RASGEF1A: variants seen among roughly 807,000 people sequenced by gnomAD.
The protein encoded by RASGEF1A is ras-GEF domain-containing family member 1A.
RASGEF1A carries 18 observed loss-of-function variants against 56.4 expected under a neutral mutation model. The observed-to-expected ratio is 0.32, with a 90% CI of 0.22 to 0.47. RASGEF1A has a LOEUF of 0.47. Among genes scored for constraint, RASGEF1A ranks in the 20% least tolerant of loss-of-function variants. RASGEF1A has a pLI of 1.00. For synonymous variants in RASGEF1A, 245 were observed against 242.6 expected, an observed-to-expected ratio of 1.01 and a Z score of -0.09; for missense variants, 422 against 627.1, an observed-to-expected ratio of 0.67 and a Z score of 3.49.
chr10:43,223,835 A>G (rs771460941), intron 1 of RASGEF1A, among the ~76,000 whole-genome samples: 4 of 152,102 alleles, frequency 2.6e-5, no homozygotes, highest in Non-Finnish European at 5.9e-5. Flanking sequence ...AAAAAATTAT[A>G]AAAATTTATT....
chr10:43,260,033 C>T (rs1482174109), intron 1 of RASGEF1A, among the ~76,000 whole-genome samples: 4 of 152,192 alleles, frequency 2.6e-5, no homozygotes, highest in African/African-American at 7.2e-5. Context: ...TGCCTCTGCC[C>T]CTCTCTGCAG....
chr10:43,248,032 T>C (rs1242316858), intron 1 of RASGEF1A, among the ~76,000 whole-genome samples: 1 of 144,136 alleles, frequency 6.9e-6, no homozygotes, highest in East Asian at 2.1e-4. Flanking sequence ...GACCCCCCAT[T>C]TCTATTTATA....
chr10:43,256,963 T>G (rs12768110), intron 1 of RASGEF1A, among the ~76,000 whole-genome samples: 1 of 151,992 alleles, frequency 6.6e-6, no homozygotes, highest in Non-Finnish European at 1.5e-5. Flanking sequence ...CACCTCTCCC[T>G]CCTTCCAGAA....
intron 1 of RASGEF1A, among the ~76,000 whole-genome samples, chr10:43,257,458 G>C (rs915777377): frequency 6.6e-6 from 1 of 152,214 alleles, no homozygotes; most frequent in Non-Finnish European, 1.5e-5. Context: ...GCAGGATTCT[G>C]GGACTGGGCC....
At chr10:43,211,338 A>G (rs1448569070) in intron 1 of RASGEF1A, among the ~76,000 whole-genome samples, 2 of 152,086 alleles carry the variant, frequency 1.3e-5, no homozygotes, top group Non-Finnish European at 2.9e-5. Context: ...ATCTGAGCCT[A>G]AGTCTTCCTG....
rs777061865 is a variant in RASGEF1A at position 43,200,894 on chromosome 10, G to T, written c.460-6C>A. Reference sequence around the variant, plus strand: ...TTCTTCACTGTGCCATTCTCCTGTGGGGTCAAGGGCAATAAGGGTGCCAGC... The same window carrying T: ...TTCTTCACTGTGCCATTCTCCTGTGTGGTCAAGGGCAATAAGGGTGCCAGC... On this transcript the variant is annotated splice_region_variant and splice_polypyrimidine_tract_variant and intron_variant, in intron 4 of 12. Coordinates refer to ENST00000395810, the MANE Select transcript of RASGEF1A (RefSeq NM_145313.4). 6.2e-7 allele frequency: 1 copy of T among 1,612,768 alleles called. No homozygotes were observed. The highest frequency in any genetic ancestry group is 1.7e-5 in the Admixed American group (1 of 60,004).
intron 1 of RASGEF1A, among the ~76,000 whole-genome samples, chr10:43,218,926 G>A (rs956988512): frequency 2.0e-5 from 3 of 152,234 alleles, no homozygotes; most frequent in East Asian, 1.9e-4. Flanking sequence ...GAATCTGGTC[G>A]TCTCCTCTTC....
chr10:43,251,692 A>G (rs1009119143), intron 1 of RASGEF1A, among the ~76,000 whole-genome samples: 2 of 152,100 alleles, frequency 1.3e-5, no homozygotes, highest in African/African-American at 4.8e-5. Context: ...GTTGAGCGCT[A>G]CCTGGGGAGC....
chr10:43,218,719 G>T (rs1840168104), intron 1 of RASGEF1A, among the ~76,000 whole-genome samples: 1 of 152,262 alleles, frequency 6.6e-6, no homozygotes, highest in Admixed American at 6.5e-5. Flanking sequence ...TCAGGGCCTG[G>T]CCAAGGGCCT....
chr10:43,228,902 T>TA (rs777042829), intron 1 of RASGEF1A, among the ~76,000 whole-genome samples: 1 of 152,074 alleles, frequency 6.6e-6, no homozygotes, highest in Non-Finnish European at 1.5e-5. Flanking sequence ...GACAGATGAG[T>TA]CCTGCATCTT....
intron 1 of RASGEF1A, among the ~76,000 whole-genome samples, chr10:43,246,644 CAG>C (rs1248105068): frequency 2.6e-5 from 4 of 152,094 alleles, no homozygotes; most frequent in Admixed American, 2.0e-4. Context: ...AATTTTTGTC[CAG>C]AGTGTCATAA....
At chr10:43,219,551 G>C (rs931194531) in intron 1 of RASGEF1A, among the ~76,000 whole-genome samples, 2 of 152,248 alleles carry the variant, frequency 1.3e-5, no homozygotes, top group Non-Finnish European at 2.9e-5. Context: ...GAAGGCACCA[G>C]CAATCTGTCC....
intron 1 of RASGEF1A, among the ~76,000 whole-genome samples, chr10:43,222,776 G>C (rs1482242052): frequency 6.6e-6 from 1 of 152,186 alleles, no homozygotes; most frequent in Non-Finnish European, 1.5e-5. Context: ...TTGCTGGGTG[G>C]GTCAGAAGCA....
chr10:43,221,087 T>G (rs1467016937), intron 1 of RASGEF1A, among the ~76,000 whole-genome samples: 1 of 152,166 alleles, frequency 6.6e-6, no homozygotes, highest in Non-Finnish European at 1.5e-5. Context: ...CCAGACGCCC[T>G]GCTGGGAGAA....
rs111395966 is a variant in RASGEF1A, at chr10:43,244,428, A to G, written c.-7+22417T>C. Among the ~76,000 whole-genome samples the G allele has an allele frequency of 2.4e-3, 363 of 151,254 alleles. 21 individuals carry two copies. The highest frequency in any genetic ancestry group is 4.1e-3 in the Non-Finnish European group (277 of 67,664). On this transcript the variant is annotated intron_variant, in intron 1 of 12. Transcript: ENST00000395810. Reference sequence around the variant, plus strand: ...TTAAAAAAAAAAATCAGAAGACTTGAACAACACTTTAAGCCAACTAGACCT... The same window carrying G: ...TTAAAAAAAAAAATCAGAAGACTTGGACAACACTTTAAGCCAACTAGACCT...
intron 1 of RASGEF1A, among the ~76,000 whole-genome samples, chr10:43,226,921 A>G (rs1840286636): frequency 6.6e-6 from 1 of 152,206 alleles, no homozygotes; most frequent in South Asian, 2.1e-4. Flanking sequence ...GTGGGAAGAC[A>G]GACACAACTC....
intron 5 of RASGEF1A, 54 bp from the exon 6 acceptor site, chr10:43,200,310 A>G (rs1196138703): frequency 1.0e-5 from 15 of 1,456,100 alleles, no homozygotes; most frequent in Non-Finnish European, 1.2e-5. Context: ...GAGAAGGGAC[A>G]GCACTGCATA....
intron 1 of RASGEF1A, among the ~76,000 whole-genome samples, chr10:43,260,970 T>C (rs566906135): frequency 5.3e-5 from 8 of 152,296 alleles, no homozygotes; most frequent in African/African-American, 1.7e-4. Context: ...AGCAGCTTCT[T>C]TGACATTTGT....
intron 1 of RASGEF1A, chr10:43,229,669 C>G (rs1840334947): frequency 6.7e-7 from 1 of 1,490,378 alleles, no homozygotes; most frequent in South Asian, 1.3e-5. Context: ...GCCGCCGGCT[C>G]CCCGCGCCGT....
Sources: gnomAD v4.1 joint callset for allele counts (sites outside exome capture counted in the v4.1 genomes callset) on GRCh38, gnomAD v4.1.1 for gene constraint, MANE v1.5 for transcripts, NCBI Gene and HGNC (gene_info 2026-07-23, HGNC 2026-07-21) for gene names.